Variants in NTNG1 observed in about 807,000 individuals in gnomAD.
NTNG1 encodes netrin-G1.
Under a neutral mutation model 54.0 loss-of-function variants are expected in NTNG1, and 16 were observed. The observed-to-expected ratio is 0.30, with a 90% CI of 0.20 to 0.45. NTNG1 has a LOEUF of 0.45. Among genes scored for constraint, NTNG1 ranks in the 20% least tolerant of loss-of-function variants. NTNG1 has a pLI of 1.00. For synonymous variants in NTNG1, 255 were observed against 263.1 expected (o/e 0.97, Z 0.30); for missense variants, 530 against 678.7 (o/e 0.78, Z 2.43).
At chr1:107,370,807 T>C (rs537615391) in intron 3 of NTNG1, among the ~76,000 whole-genome samples, 53 of 152,132 alleles carry the variant, frequency 3.5e-4, no homozygotes, top group Non-Finnish European at 6.5e-4. Flanking sequence ...GTTTTGCACA[T>C]ATTTTGTCAA....
intron 5 of NTNG1, among the ~76,000 whole-genome samples, chr1:107,428,339 T>C (rs1675028513): frequency 6.6e-6 from 1 of 152,154 alleles, no homozygotes. Flanking sequence ...TTGCTTTATG[T>C]CACTGTTTTT....
Position 107,159,610 on chromosome 1 carries a change from C to T in NTNG1, c.246+10771C>T, listed in dbSNP as rs145383582. The stretch of plus-strand genomic sequence containing the variant: ...GGATATAAACCCACTCTGACATCTA[C>T]GTTCCACTCTTAAACTATTCTATTC... On this transcript the variant is annotated intron_variant, in intron 2 of 7. Coordinates refer to ENST00000370068, the MANE Select transcript of NTNG1 (RefSeq NM_001113226.3). Among the ~76,000 whole-genome samples the T allele has an allele frequency of 4.6e-5, 7 of 152,274 alleles. No homozygotes were observed. The East Asian group carries it at 1.2e-3, about 25-fold the overall frequency.
intron 2 of NTNG1, among the ~76,000 whole-genome samples, chr1:107,201,483 G>A (rs1658750538): frequency 6.6e-6 from 1 of 151,758 alleles, no homozygotes; most frequent in Non-Finnish European, 1.5e-5. Flanking sequence ...TGTGTTTGGG[G>A]AGTGGGTGGT....
At chr1:107,300,352 G>C in intron 2 of NTNG1, among the ~76,000 whole-genome samples, 1 of 152,116 alleles carries the variant, frequency 6.6e-6, no homozygotes, top group East Asian at 1.9e-4. Context: ...CTTGAAAAAT[G>C]AGAGAATTTG....
chr1:107,394,860 C>T (rs1023210827), intron 3 of NTNG1, among the ~76,000 whole-genome samples: 3 of 152,104 alleles, frequency 2.0e-5, no homozygotes, highest in African/African-American at 7.2e-5. Context: ...TTGGGAACCC[C>T]TTGATTTTGG....
At chr1:107,314,436 TAAATAAA>T (rs1667217022) in intron 2 of NTNG1, among the ~76,000 whole-genome samples, 1 of 41,592 alleles carries the variant, frequency 2.4e-5, no homozygotes, top group African/African-American at 6.7e-5. Flanking sequence ...AATAAATAAA[TAAATAAA>T]TAAAAATGAG....
chr1:107,168,306 A>G (rs1249350212), intron 2 of NTNG1, among the ~76,000 whole-genome samples: 3 of 152,100 alleles, frequency 2.0e-5, no homozygotes, highest in Non-Finnish European at 4.4e-5. Flanking sequence ...AGATTGTAAT[A>G]AAAATAATTT....
chr1:107,437,025 A>G (rs566077367), intron 7 of NTNG1, among the ~76,000 whole-genome samples: 1 of 152,274 alleles, frequency 6.6e-6, no homozygotes, highest in South Asian at 2.1e-4. Flanking sequence ...AGCAACTTAT[A>G]TTGAAATATT....
chr1:107,293,867 G>A (rs1169581922), intron 2 of NTNG1, among the ~76,000 whole-genome samples: 2 of 149,026 alleles, frequency 1.3e-5, no homozygotes, highest in African/African-American at 2.5e-5. Context: ...TGGTTATCTT[G>A]GAATGGTGCA....
intron 2 of NTNG1, among the ~76,000 whole-genome samples, chr1:107,163,229 T>C (rs1655538665): frequency 6.6e-6 from 1 of 152,180 alleles, no homozygotes; most frequent in African/African-American, 2.4e-5. Context: ...TGAAGTGCCA[T>C]GTCTAACATG....
rs556094596 is a variant in NTNG1, at chr1:107,287,812, G to C, written c.247-36470G>C. Among the ~76,000 whole-genome samples, 7 of 152,250 alleles carry C rather than the reference G, an allele frequency of 4.6e-5. No individual in the cohort carries two copies. In the East Asian group the frequency reaches 1.3e-3, roughly 29 times the overall value. On this transcript the variant is annotated intron_variant, in intron 2 of 7. Coordinates refer to ENST00000370068, the MANE Select transcript of NTNG1 (RefSeq NM_001113226.3). Reference sequence around the variant, plus strand: ...AGCTCTATGACCTGTGGCACTCTCAGTTGTAAAATGGGTACAATACTCCTT... The same window carrying C: ...AGCTCTATGACCTGTGGCACTCTCACTTGTAAAATGGGTACAATACTCCTT...
chr1:107,383,672 G>T (rs1671778516), intron 3 of NTNG1, among the ~76,000 whole-genome samples: 1 of 152,202 alleles, frequency 6.6e-6, no homozygotes, highest in South Asian at 2.1e-4. Flanking sequence ...CTGAGACTCA[G>T]TTGGATGCAC....
intron 3 of NTNG1, among the ~76,000 whole-genome samples, chr1:107,351,830 A>T (rs1669618412): frequency 6.6e-6 from 1 of 152,212 alleles, no homozygotes; most frequent in Admixed American, 6.5e-5. Context: ...TAAAATCAAA[A>T]ACAAGTTAGT....
intron 2 of NTNG1, among the ~76,000 whole-genome samples, chr1:107,279,490 T>A (rs1424810741): frequency 6.6e-6 from 1 of 152,204 alleles, no homozygotes; most frequent in Non-Finnish European, 1.5e-5. Context: ...GGCATTCCTG[T>A]GTGTACACAC....
intron 1 of NTNG1, chr1:107,143,523 A>G (rs1653892310): frequency 1.1e-5 from 1 of 91,152 alleles, no homozygotes; most frequent in African/African-American, 3.3e-5. Flanking sequence ...GTCACTTGGA[A>G]AAAAGAAAAT....
rs573695833 is a variant in NTNG1, at chr1:107,298,569, T to C, written c.247-25713T>C. On this transcript the variant is annotated intron_variant, in intron 2 of 7. Coordinates refer to ENST00000370068, the MANE Select transcript of NTNG1 (RefSeq NM_001113226.3). ...GAGAAATCAAGAAAAGGGTCTTACA[T>C]CTTTTGACTCTTATTTTATGATAAT... Among the ~76,000 whole-genome samples, 4 of 152,124 alleles carry C rather than the reference T, an allele frequency of 2.6e-5. No homozygotes were observed. In the East Asian group the frequency reaches 7.7e-4, roughly 29 times the overall value.
chr1:107,472,573 G>C (rs1678052031), intron 7 of NTNG1, among the ~76,000 whole-genome samples: 1 of 152,140 alleles, frequency 6.6e-6, no homozygotes, highest in Non-Finnish European at 1.5e-5. Flanking sequence ...TGCATAGTAT[G>C]TCCAAGGCCT....
At chr1:107,160,830 GT>G (rs1214569929) in intron 2 of NTNG1, among the ~76,000 whole-genome samples, 1 of 151,920 alleles carries the variant, frequency 6.6e-6, no homozygotes, top group African/African-American at 2.4e-5. Flanking sequence ...TCTTCCTATA[GT>G]TTTTTCCTAA....
intron 4 of NTNG1, among the ~76,000 whole-genome samples, chr1:107,398,806 G>A (rs561062303): frequency 6.6e-6 from 1 of 151,730 alleles, no homozygotes; most frequent in Admixed American, 6.6e-5. Flanking sequence ...TTCTATTTTG[G>A]ATGTCCTTTG....
Sources: gnomAD v4.1 joint callset for allele counts (sites outside exome capture counted in the v4.1 genomes callset) on GRCh38, gnomAD v4.1.1 for gene constraint, MANE v1.5 for transcripts, NCBI Gene and HGNC (gene_info 2026-07-23, HGNC 2026-07-21) for gene names.